NUCB2: variants seen among roughly 807,000 people sequenced by gnomAD.
NUCB2 encodes nucleobindin 2.
A neutral mutation model predicts 57.9 loss-of-function variants in NUCB2; 48 were observed. The observed-to-expected ratio is 0.83, with a 90% CI of 0.66 to 1.05. NUCB2 has a LOEUF of 1.05. Among genes scored for constraint, NUCB2 ranks in the 50% least tolerant of loss-of-function variants. The pLI is 0.00. For synonymous variants in NUCB2, 139 were observed against 152.1 expected (o/e 0.91, Z 0.64); for missense variants, 442 against 476.2 (o/e 0.93, Z 0.67).
intron 6 of NUCB2, among the ~76,000 whole-genome samples, chr11:17,310,255 ACTTACATATTACTTG>A (rs1948287130): frequency 6.6e-6 from 1 of 151,698 alleles, no homozygotes; most frequent in Non-Finnish European, 1.5e-5. Context: ...TTTTAAATCA[ACTTACATATTACTTG>A]CTTATGAGGA....
chr11:17,330,906 T>C lies in NUCB2; in HGVS notation c.1178T>C (p.Ile393Thr). ...CTTTCATTTTCCATTCACCAGGTCA[T>C]ACAGCAGATGGAACAAAAAAAATTA... ...EAQKLEYHQV[I>T]QQMEQKKLQQ... Residue 393 changes from isoleucine to threonine, a missense_variant, in exon 13 of 14, where the codon ATA (isoleucine) becomes ACA (threonine). By Grantham distance (89) the Ile-to-Thr change is moderately conservative. Coordinates refer to ENST00000529010, the MANE Select transcript of NUCB2 (RefSeq NM_005013.4). This position sits in a 1 kb window ranked among gnomAD's most constrained non-coding sequence, Gnocchi z 4.3. The C allele has an allele frequency of 6.3e-7, 1 of 1,592,862 alleles. No individual in the cohort carries two copies. The highest frequency in any genetic ancestry group is 1.1e-5 in the South Asian group (1 of 90,528).
At chr11:17,308,423 A>G (rs1948011752) in intron 5 of NUCB2, among the ~76,000 whole-genome samples, 1 of 152,234 alleles carries the variant, frequency 6.6e-6, no homozygotes, top group South Asian at 2.1e-4. Context: ...TACATGTTAA[A>G]TGTACATATT....
At chr11:17,298,704 T>C (rs1946237728) in intron 4 of NUCB2, among the ~76,000 whole-genome samples, 2 of 152,016 alleles carry the variant, frequency 1.3e-5, no homozygotes, top group South Asian at 4.1e-4. Context: ...TCTTTCCTTT[T>C]TTTTTTTGTT....
chr11:17,284,070 C>T (rs1943197581), intron 2 of NUCB2, among the ~76,000 whole-genome samples: 1 of 152,026 alleles, frequency 6.6e-6, no homozygotes, highest in Admixed American at 6.6e-5. Context: ...ACTCTTTCAC[C>T]CACGCTGGAG....
chr11:17,321,079 G>C (rs567568503), intron 11 of NUCB2, among the ~76,000 whole-genome samples: 1 of 151,950 alleles, frequency 6.6e-6, no homozygotes, highest in South Asian at 2.1e-4. Flanking sequence ...CCCCTCAACT[G>C]TTTATCCTTT....
chr11:17,283,572 A>C (rs978083201), intron 2 of NUCB2: 11 of 152,192 alleles, frequency 7.2e-5, no homozygotes, highest in Admixed American at 7.2e-4. Context: ...CATGTAATAA[A>C]TTGTGTTTCT....
chr11:17,297,849 T>C (rs2138488867), intron 4 of NUCB2, among the ~76,000 whole-genome samples: 1 of 152,172 alleles, frequency 6.6e-6, no homozygotes, highest in Admixed American at 6.5e-5. Context: ...TTTGGGAGGC[T>C]GAGGCAGGTG....
chr11:17,303,033 C>T (rs984425238), intron 5 of NUCB2, among the ~76,000 whole-genome samples: 8 of 152,076 alleles, frequency 5.3e-5, no homozygotes, highest in South Asian at 2.1e-4. Context: ...CCACCGCACC[C>T]GGCCTAGTTG....
intron 6 of NUCB2, among the ~76,000 whole-genome samples, chr11:17,310,605 C>T (rs766153062): frequency 2.6e-5 from 4 of 151,968 alleles, no homozygotes; most frequent in Non-Finnish European, 5.9e-5. Context: ...GAAATCGTGC[C>T]ACTGCACTCC....
chr11:17,332,134 T>C lies in NUCB2; in HGVS notation c.*715T>C, dbSNP rs1289701728. On this transcript the variant is annotated 3_prime_UTR_variant, in exon 14 of 14. Transcript: ENST00000529010. ...AGTAGGTGGTGTCCAGGTTCCTATCTTTCTGCTCTGCTATCCTCAGTGCAT... is the reference window on the plus strand; with the variant it reads ...AGTAGGTGGTGTCCAGGTTCCTATCCTTCTGCTCTGCTATCCTCAGTGCAT... 6.6e-6 allele frequency: 1 copy of C among 152,232 alleles called. No homozygotes were observed. Among genetic ancestry groups the C allele is most frequent in the African/African-American group, 2.4e-5 (1 of 41,462 alleles). 9.4% of individuals were successfully genotyped at this position (152,232 alleles called of 1,614,324 possible).
At chr11:17,317,974 C>T (rs796098137) in intron 11 of NUCB2, among the ~76,000 whole-genome samples, 7,819 of 109,928 alleles carry the variant, frequency 0.071, 255 homozygotes, top group Middle Eastern at 0.13. Context: ...AAGAAGTCAG[C>T]TTTTTTTTTT....
At position 17,325,514 on chromosome 11, in the gene NUCB2, C is replaced by T. The variant is rs550201737; in HGVS notation, c.1003-4613C>T. On this transcript the variant is annotated intron_variant, in intron 11 of 13. Transcript: ENST00000529010. Reference sequence around the variant, plus strand: ...TCCTGCTACTGCTCTTTTTTGGTTTCCATTGGCAGGGAATATCTTTTTCCA... The same window carrying T: ...TCCTGCTACTGCTCTTTTTTGGTTTTCATTGGCAGGGAATATCTTTTTCCA... Among the ~76,000 whole-genome samples, 5 of 152,180 alleles carry T rather than the reference C, an allele frequency of 3.3e-5. No individual in the cohort carries two copies. In the East Asian group the frequency reaches 9.7e-4, roughly 29 times the overall value.
intron 5 of NUCB2, among the ~76,000 whole-genome samples, chr11:17,304,486 G>A (rs1016255786): frequency 1.6e-4 from 25 of 152,178 alleles, no homozygotes; most frequent in Admixed American, 1.6e-3. Flanking sequence ...TAGCCACCGT[G>A]CCTGATCTAG....
chr11:17,300,967 C>CTTTTTTTTTTTTTTTTTTTT (rs71047541), intron 4 of NUCB2, among the ~76,000 whole-genome samples: 1 of 84,392 alleles, frequency 1.2e-5, no homozygotes, highest in Non-Finnish European at 2.3e-5. Context: ...TAAAGCTAAT[C>CTTTTTTTTTTTTTTTTTTTT]TTTTTTTTTT....
At chr11:17,326,311 G>A (rs1164850046) in intron 11 of NUCB2, among the ~76,000 whole-genome samples, 1 of 71,274 alleles carries the variant, frequency 1.4e-5, no homozygotes, top group African/African-American at 4.7e-5. Context: ...CATTGTTACC[G>A]TTTTTTTTTT....
intron 1 of NUCB2, among the ~76,000 whole-genome samples, chr11:17,279,173 C>T (rs1382374092): frequency 6.6e-6 from 1 of 152,124 alleles, no homozygotes. Flanking sequence ...GCCTGGGCAA[C>T]TAGAGTGAAA....
rs1565441345 is a variant in NUCB2 at position 17,315,461 on chromosome 11, C to G, written c.988C>G (p.Pro330Ala). Residue 330 changes from proline to alanine, a missense_variant, in exon 11 of 14, where the codon CCA becomes GCA. Coordinates refer to ENST00000529010, the MANE Select transcript of NUCB2 (RefSeq NM_005013.4). ...KATEKKEFLE[P>A]DSWETLDQQQ... is the part of the protein sequence containing the mutation. The stretch of plus-strand genomic sequence containing the variant: ...CACAGAAAAAAAAGAATTCTTGGAG[C>G]CAGATAGCTGGGAGGTAATAGAACC... The G allele has an allele frequency of 6.2e-7, 1 of 1,605,630 alleles. No homozygotes were observed.
intron 2 of NUCB2, among the ~76,000 whole-genome samples, chr11:17,288,549 C>CTTTTTTTTT (rs752336919): frequency 7.1e-4 from 54 of 75,806 alleles, no homozygotes; most frequent in East Asian, 4.3e-3. Flanking sequence ...TCTTCTTCTT[C>CTTTTTTTTT]TTCTTTTTTT....
downstream of NUCB2, chr11:17,333,804 T>G (rs1306589181): frequency 6.6e-6 from 1 of 152,250 alleles, no homozygotes; most frequent in African/African-American, 2.4e-5. Context: ...TTTCAATTCT[T>G]CAGGGCTCCA....
Sources: gnomAD v4.1 joint callset for allele counts (sites outside exome capture counted in the v4.1 genomes callset) on GRCh38, gnomAD v4.1.1 for gene constraint, Gnocchi (gnomAD v3.1) non-coding constraint, MANE v1.5 for transcripts, NCBI Gene and HGNC (gene_info 2026-07-23, HGNC 2026-07-21) for gene names.